The following RAPGEF2 variants were observed in gnomAD, a reference collection of about 807,000 sequenced individuals.
RAPGEF2 encodes the protein PDZ domain containing guanine nucleotide exchange factor (GEF) 1.
In RAPGEF2, 54 loss-of-function variants were observed where a neutral mutation model predicts 186.7. That is an observed-to-expected ratio of 0.29 (90% confidence interval 0.23 to 0.36). The LOEUF (loss-of-function observed/expected upper bound fraction) is 0.36, where lower values mean the gene tolerates loss of function less well. RAPGEF2 is among the 10% of genes least tolerant of loss of function. RAPGEF2 has a pLI of 1.00. For missense variants in RAPGEF2, 1,532 were observed against 2,045.0 expected (o/e 0.75, Z 4.84); for synonymous variants, 712 against 705.9 (o/e 1.01, Z -0.14).
At chr4:159,187,189 C>T (rs952435290) in intron 2 of RAPGEF2, among the ~76,000 whole-genome samples, 3 of 152,202 alleles carry the variant, frequency 2.0e-5, no homozygotes, top group Non-Finnish European at 4.4e-5. Context: ...TTTACTTTTA[C>T]AAAGTTGAAT....
intron 4 of RAPGEF2, among the ~76,000 whole-genome samples, chr4:159,211,522 A>G (rs973651672): frequency 6.6e-6 from 1 of 152,216 alleles, no homozygotes; most frequent in Non-Finnish European, 1.5e-5. Context: ...TGTCTTGTTG[A>G]TAAATATTCT....
At chr4:159,115,333 G>A (rs1738930097) in intron 1 of RAPGEF2, among the ~76,000 whole-genome samples, 1 of 152,058 alleles carries the variant, frequency 6.6e-6, no homozygotes, top group Non-Finnish European at 1.5e-5. Flanking sequence ...CTTGTTTTCT[G>A]TATTTTAAGA....
At chr4:159,150,352 A>G (rs536518786) in intron 1 of RAPGEF2, among the ~76,000 whole-genome samples, 2 of 152,256 alleles carry the variant, frequency 1.3e-5, no homozygotes, top group South Asian at 4.2e-4. Context: ...AGCTTATTGA[A>G]TATATACGGT....
At chr4:159,282,305 A>G (rs750060168) in intron 7 of RAPGEF2, among the ~76,000 whole-genome samples, 3 of 152,200 alleles carry the variant, frequency 2.0e-5, no homozygotes, top group Non-Finnish European at 4.4e-5. Flanking sequence ...TACTCTTTAC[A>G]CATTGATGCT....
intron 3 of RAPGEF2, among the ~76,000 whole-genome samples, chr4:159,195,930 C>T (rs534063531): frequency 5.4e-4 from 64 of 118,114 alleles, no homozygotes; most frequent in African/African-American, 2.0e-3. Flanking sequence ...GAGGTTTAGA[C>T]AGTGCATGTG....
chr4:159,201,261 G>A (rs1217145717), intron 3 of RAPGEF2, among the ~76,000 whole-genome samples: 1 of 152,314 alleles, frequency 6.6e-6, no homozygotes, highest in East Asian at 1.9e-4. Flanking sequence ...CAGAAATGAT[G>A]TAATGTATTT....
chr4:159,152,649 G>A (rs1335451750), intron 1 of RAPGEF2, among the ~76,000 whole-genome samples: 4 of 151,862 alleles, frequency 2.6e-5, no homozygotes, highest in Non-Finnish European at 2.9e-5. Context: ...ATGGAATCTC[G>A]CTCTGTCACC....
At chr4:159,226,249 A>G (rs1270877405) in intron 4 of RAPGEF2, among the ~76,000 whole-genome samples, 1 of 152,210 alleles carries the variant, frequency 6.6e-6, no homozygotes, top group African/African-American at 2.4e-5. Context: ...TCTTCAATCC[A>G]TCAAATTGCC....
At chr4:159,310,072 A>G (rs1763783621) in intron 8 of RAPGEF2, among the ~76,000 whole-genome samples, 1 of 151,804 alleles carries the variant, frequency 6.6e-6, no homozygotes, top group African/African-American at 2.4e-5. Flanking sequence ...TACACAAATA[A>G]GAAAAATACT....
intron 2 of RAPGEF2, among the ~76,000 whole-genome samples, chr4:159,190,968 G>A (rs1168663604): frequency 1.3e-5 from 2 of 152,232 alleles, no homozygotes; most frequent in Non-Finnish European, 2.9e-5. Context: ...TTGTAAGCAT[G>A]AGGTGGCTGT....
intron 1 of RAPGEF2, among the ~76,000 whole-genome samples, chr4:159,124,637 CTT>C (rs1740082761): frequency 6.6e-6 from 1 of 152,168 alleles, no homozygotes; most frequent in Non-Finnish European, 1.5e-5. Context: ...GAGGAAGAGA[CTT>C]ATCCAGCCTA....
intron 4 of RAPGEF2, among the ~76,000 whole-genome samples, chr4:159,229,865 C>T (rs1752437974): frequency 6.6e-6 from 1 of 152,120 alleles, no homozygotes; most frequent in Non-Finnish European, 1.5e-5. Context: ...TCATATGCTG[C>T]AAGTGGTCTT....
At chr4:159,132,144 A>G (rs1741182862) in intron 1 of RAPGEF2, among the ~76,000 whole-genome samples, 1 of 152,222 alleles carries the variant, frequency 6.6e-6, no homozygotes, top group Non-Finnish European at 1.5e-5. Flanking sequence ...TCTAGAATTT[A>G]TCAAGAATTG....
intron 5 of RAPGEF2, 48 bp from the exon 6 acceptor site, chr4:159,241,153 G>A (rs1433397973): frequency 3.0e-6 from 4 of 1,349,630 alleles, no homozygotes; most frequent in Non-Finnish European, 3.9e-6. Flanking sequence ...AATATTAATA[G>A]GAAATGTTGT....
chr4:159,332,887 C>A, intron 17 of RAPGEF2, 190 bp downstream of exon 17: 1 of 510,620 alleles, frequency 2.0e-6, no homozygotes, highest in Non-Finnish European at 3.2e-6. Context: ...TGGCTACTCC[C>A]AATCTTCTTT....
chr4:159,116,886 G>C (rs906705977), intron 1 of RAPGEF2, among the ~76,000 whole-genome samples: 1 of 152,136 alleles, frequency 6.6e-6, no homozygotes, highest in African/African-American at 2.4e-5. Context: ...GTCAGTGTTG[G>C]GGGAGGGAGA....
chr4:159,340,156 C>T (rs1288671305), intron 19 of RAPGEF2, among the ~76,000 whole-genome samples: 1 of 152,172 alleles, frequency 6.6e-6, no homozygotes, highest in African/African-American at 2.4e-5. Flanking sequence ...CTATTTTTAA[C>T]TTACGGAGTG....
In RAPGEF2 at chr4:159,104,110, GGGA is replaced by G. The variant is rs1737502012; in HGVS notation, c.-47_-45del. ...GCGGAGGCAGCAGCGGCGCTGGGCC[GGGA>G]GGAGGCCGGCCAGGGTGCGGAGCGG... On this transcript the variant is annotated 5_prime_UTR_variant, in exon 1 of 30. Transcript: ENST00000691494. 2.3e-6 allele frequency: 3 copies of G among 1,293,282 alleles called. No individual in the cohort carries two copies. In the Admixed American group the frequency reaches 7.3e-5, roughly 31 times the overall value. The allele number at this position is 1,293,282 out of a possible 1,614,324, so 80.1% of individuals were successfully genotyped here. A position where few individuals can be genotyped will look rare whatever the true frequency, so the allele number is the denominator to read the frequency against.
At position 159,353,617 on chromosome 4, in the gene RAPGEF2, G is replaced by A; in HGVS notation, c.4222G>A (p.Gly1408Arg). ...ASLDAADSGRGSWTSCSSGSH... is the reference protein window; with the variant it reads ...ASLDAADSGRRSWTSCSSGSH... ...ACTTGATGCTGCTGACAGTGGCCGTGGGAGCTGGACGTCATGCTCAAGTGG... is the reference window on the plus strand; with the variant it reads ...ACTTGATGCTGCTGACAGTGGCCGTAGGAGCTGGACGTCATGCTCAAGTGG... The change falls in exon 28 of 30, where the codon GGG (glycine) becomes AGG (arginine). Residue 1408 changes from glycine to arginine, a missense_variant. Gly to Arg is a moderately radical substitution (Grantham distance 125, BLOSUM62 -2). This residue lies in a region of RAPGEF2 where 594 missense variants were observed against 608.5 expected (regional missense o/e 0.98). Transcript: ENST00000691494. The surrounding 1 kb of genome is among the most constrained non-coding windows in gnomAD (Gnocchi z 4.3). 2 of 1,598,328 alleles carry A rather than the reference G, an allele frequency of 1.3e-6. No homozygotes were observed. The highest frequency in any genetic ancestry group is 3.5e-5 in the Admixed American group (2 of 57,052).
Sources: gnomAD v4.1 joint callset for allele counts (sites outside exome capture counted in the v4.1 genomes callset) on GRCh38, gnomAD v4.1.1 for gene constraint, gnomAD v4.1.1 regional missense constraint, Gnocchi (gnomAD v3.1) non-coding constraint, MANE v1.5 for transcripts, NCBI Gene and HGNC (gene_info 2026-07-23, HGNC 2026-07-21) for gene names.